DPY19L1: variants seen among roughly 807,000 people sequenced by gnomAD.
The protein encoded by DPY19L1 is dpy-19 like C-mannosyltransferase 1, also known as protein C-mannosyl-transferase DPY19L1.
DPY19L1 carries 35 observed loss-of-function variants against 96.9 expected under a neutral mutation model. The observed-to-expected ratio is 0.36, with a 90% CI of 0.28 to 0.48. DPY19L1 has a LOEUF of 0.48. DPY19L1 is among the 20% of genes least tolerant of loss of function. The probability of loss-of-function intolerance (pLI) is 0.99; values close to 1 mark genes in which losing one functional copy is unlikely to be tolerated. For missense variants in DPY19L1, 521 were observed against 777.9 expected, an observed-to-expected ratio of 0.67 and a Z score of 3.93; for synonymous variants, 205 against 252.6, an observed-to-expected ratio of 0.81 and a Z score of 1.79.
chr7:35,021,706 T>TG, intron 1 of DPY19L1, among the ~76,000 whole-genome samples: 1 of 152,214 alleles, frequency 6.6e-6, no homozygotes, highest in East Asian at 1.9e-4. Flanking sequence ...TAAGGGAGGC[T>TG]GGACTCAGGA....
chr7:34,944,194 C>T (rs1329403511), intron 16 of DPY19L1, among the ~76,000 whole-genome samples: 1 of 151,838 alleles, frequency 6.6e-6, no homozygotes, highest in African/African-American at 2.4e-5. Context: ...GAAACCCCGT[C>T]TCTACTAAAA....
chr7:35,037,876 C>A (rs1195043046), upstream of DPY19L1: 5 of 1,237,736 alleles, frequency 4.0e-6, no homozygotes, highest in African/African-American at 6.2e-5. Context: ...GACGGCCTTC[C>A]GGAGGCGGCC....
chr7:35,022,248 T>A (rs1017442070), intron 1 of DPY19L1, among the ~76,000 whole-genome samples: 12 of 152,194 alleles, frequency 7.9e-5, no homozygotes, highest in Admixed American at 2.0e-4. Context: ...TATGGCATTT[T>A]AAAAAATCAG....
At chr7:35,019,509 A>AAAG (rs200209736) in intron 1 of DPY19L1, among the ~76,000 whole-genome samples, 1 of 152,042 alleles carries the variant, frequency 6.6e-6, no homozygotes, top group Non-Finnish European at 1.5e-5. Flanking sequence ...AAGGAAAAAG[A>AAAG]AAGAAGAAGA....
Position 35,037,215 on chromosome 7 carries a change from G to C in DPY19L1, c.180C>G (p.Ala60=), listed in dbSNP as rs997016229. 2.6e-3 allele frequency: 397 copies of C among 155,076 alleles called. 3 individuals are homozygous for C. The highest frequency in any genetic ancestry group is 9.4e-3 in the African/African-American group (383 of 40,754). 9.6% of individuals were successfully genotyped at this position (155,076 alleles called of 1,614,324 possible). The change falls in exon 1 of 22, where the codon GCC becomes GCG. Residue 60 remains alanine, a synonymous_variant. Coordinates refer to ENST00000638088, the MANE Select transcript of DPY19L1 (RefSeq NM_001366673.1). ...CCCCGGCGGGCGGCGCGCCGGGCTC[G>C]GCGCGGGGCCCCTTCCTGCCCGCGG... ...KGAAGRKGPR[A]EPGAPPAGGG...
chr7:34,941,780 C>G lies in DPY19L1; in HGVS notation c.1674G>C (p.Leu558=), dbSNP rs1784021854. Reference sequence around the variant, plus strand: ...AACATGTTACCTGTCTTGAGCAGATCAGTGATGCCATAACACACATGTGTG... The same window carrying G: ...AACATGTTACCTGTCTTGAGCAGATGAGTGATGCCATAACACACATGTGTG... The part of the protein sequence containing the change: ...LTPHMCVMAS[L]ICSRQLFGWL... Residue 558 remains leucine (L), a synonymous_variant, in exon 18 of 22, where the codon CTG becomes CTC. Coordinates refer to ENST00000638088, the MANE Select transcript of DPY19L1 (RefSeq NM_001366673.1). The G allele has an allele frequency of 6.3e-7, 1 of 1,599,150 alleles. No homozygotes were observed. Among genetic ancestry groups the G allele is most frequent in the Admixed American group, 1.8e-5 (1 of 54,882 alleles).
chr7:34,963,232 T>C lies in DPY19L1; in HGVS notation c.1092+3662A>G, dbSNP rs999652208. Among the ~76,000 whole-genome samples the C allele has an allele frequency of 5.6e-5, 8 of 142,832 alleles. No homozygotes were observed. The East Asian group carries it at 1.5e-3, about 26-fold the overall frequency. The allele number at this position is 142,832 out of a possible 152,430, so 93.7% of individuals were successfully genotyped here. The stretch of plus-strand genomic sequence containing the variant: ...AAAAAAAAAAAATTTGCTATAAACC[T>C]AAAACTTCTCTGAAAAATAAAGATT... On this transcript the variant is annotated intron_variant, in intron 10 of 21. Transcript: ENST00000638088.
chr7:34,966,942 G>T lies in DPY19L1; in HGVS notation c.1044C>A (p.Val348=). Residue 348 remains valine (V), a synonymous_variant, in exon 10 of 22, where the codon GTC becomes GTA. Transcript: ENST00000638088. ...QIASLFAVYV[V]GYIDICKLRK... Reference sequence around the variant, plus strand: ...GTAATTTACATATATCAATGTACCCGACAACATATACTGCAAATAATGATG... The same window carrying T: ...GTAATTTACATATATCAATGTACCCTACAACATATACTGCAAATAATGATG... 1.3e-6 allele frequency: 2 copies of T among 1,538,658 alleles called. No individual in the cohort carries two copies. Among genetic ancestry groups the T allele is most frequent in the South Asian group, 2.5e-5 (2 of 80,180 alleles).
chr7:34,944,390 A>AC (rs1784096051), intron 16 of DPY19L1, among the ~76,000 whole-genome samples: 2 of 148,126 alleles, frequency 1.4e-5, no homozygotes, highest in Non-Finnish European at 1.5e-5. Flanking sequence ...AAAAAGAAAA[A>AC]TTAAAAAAAA....
chr7:35,001,961 T>TA (rs1785435970), intron 6 of DPY19L1, among the ~76,000 whole-genome samples: 1 of 151,350 alleles, frequency 6.6e-6, no homozygotes, highest in African/African-American at 2.4e-5. Context: ...CCCTCTCAAC[T>TA]AAAAAATACA....
At chr7:35,013,857 A>T (rs1326454498) in intron 3 of DPY19L1, 152 bp from the exon 4 acceptor site, 2 of 520,556 alleles carry the variant, frequency 3.8e-6, no homozygotes, top group Non-Finnish European at 6.3e-6. Context: ...GATAAATCCT[A>T]AAGTTGTGAA....
chr7:35,019,229 C>G (rs531970974), intron 1 of DPY19L1, among the ~76,000 whole-genome samples: 2 of 152,222 alleles, frequency 1.3e-5, no homozygotes, highest in South Asian at 4.1e-4. Flanking sequence ...TGATGGCAGG[C>G]TTCTGATTAA....
rs1329117602 is a variant in DPY19L1, at chr7:35,017,875, A to T, written c.411+7T>A. On this transcript the variant is annotated splice_region_variant and intron_variant, in intron 3 of 21. Transcript: ENST00000638088. ...GTACTATGATGAAATCCCAAATAAA[A>T]ACTAACCATTTCAGTGCGAAAAGCC... 4 of 1,576,570 alleles carry T rather than the reference A, an allele frequency of 2.5e-6. No individual in the cohort carries two copies. The highest frequency in any genetic ancestry group is 3.5e-6 in the Non-Finnish European group (4 of 1,158,692).
chr7:34,980,058 C>A (rs995133004), intron 7 of DPY19L1, among the ~76,000 whole-genome samples: 8 of 152,144 alleles, frequency 5.3e-5, no homozygotes, highest in Middle Eastern at 6.8e-3. Context: ...TGAAGATAAA[C>A]AGACTAATAG....
intron 20 of DPY19L1, 30 bp downstream of exon 20, chr7:34,939,246 T>A: frequency 6.3e-7 from 1 of 1,588,924 alleles, no homozygotes; most frequent in Non-Finnish European, 8.6e-7. Flanking sequence ...ATGGGAGGTT[T>A]GTTTTGATGA....
chr7:35,023,810 A>G (rs1198975562), intron 1 of DPY19L1, among the ~76,000 whole-genome samples: 4 of 142,892 alleles, frequency 2.8e-5, no homozygotes, highest in Non-Finnish European at 6.1e-5. Flanking sequence ...ATATGAAGAA[A>G]TATATTCTTT....
At chr7:35,032,178 C>T (rs1319156341) in intron 1 of DPY19L1, among the ~76,000 whole-genome samples, 1 of 152,176 alleles carries the variant, frequency 6.6e-6, no homozygotes, top group Non-Finnish European at 1.5e-5. Context: ...GTTAGGGTTT[C>T]TCAGAATTGG....
intron 6 of DPY19L1, among the ~76,000 whole-genome samples, chr7:34,996,208 A>C (rs1785280264): frequency 6.6e-6 from 1 of 152,240 alleles, no homozygotes; most frequent in Non-Finnish European, 1.5e-5. Context: ...TTCAATCAAA[A>C]GACTGCTGGC....
intron 11 of DPY19L1, 79 bp downstream of exon 11, chr7:34,957,905 T>A: frequency 1.1e-6 from 1 of 891,760 alleles, no homozygotes; most frequent in Non-Finnish European, 1.7e-6. Flanking sequence ...AAAACCCTGA[T>A]GAATCCTAAG....
Sources: allele counts gnomAD v4.1 joint callset (sites outside exome capture counted in the v4.1 genomes callset), GRCh38; gene constraint gnomAD v4.1.1; transcripts MANE v1.5; gene names NCBI Gene and HGNC (gene_info 2026-07-23, HGNC 2026-07-21).